CTNNA3: variants seen among roughly 807,000 people sequenced by gnomAD.
The protein encoded by CTNNA3 is catenin alpha 3, also known as catenin alpha-3.
Under a neutral mutation model 95.7 loss-of-function variants are expected in CTNNA3, and 76 were observed. The ratio of observed to expected loss-of-function variants is 0.79; its 90% CI spans 0.66 to 0.96. CTNNA3 has a LOEUF of 0.96. Among genes scored for constraint, CTNNA3 ranks in the 40% least tolerant of loss-of-function variants. The pLI is 0.00. For missense variants in CTNNA3, 1,191 were observed against 1,089.8 expected (o/e 1.09, Z -1.31); for synonymous variants, 431 against 374.4 (o/e 1.15, Z -1.74).
intron 1 of CTNNA3, among the ~76,000 whole-genome samples, chr10:67,754,597 T>C (rs939845102): frequency 1.2e-4 from 18 of 152,134 alleles, no homozygotes; most frequent in African/African-American, 4.1e-4. Flanking sequence ...GAAGAAAACA[T>C]TGGGGAAATG....
At chr10:66,086,247 T>C (rs1300928061) in intron 14 of CTNNA3, among the ~76,000 whole-genome samples, 1 of 152,130 alleles carries the variant, frequency 6.6e-6, no homozygotes, top group Non-Finnish European at 1.5e-5. Context: ...AAGCCATGTC[T>C]ATAAATGAGC....
intron 5 of CTNNA3, among the ~76,000 whole-genome samples, chr10:67,510,785 AGTATG>A (rs1223810625): frequency 5.3e-5 from 8 of 152,150 alleles, no homozygotes; most frequent in South Asian, 4.1e-4. Context: ...TACCTTGGGC[AGTATG>A]GCCATTTTCA....
At chr10:66,667,094 A>G (rs970378796) in intron 9 of CTNNA3, among the ~76,000 whole-genome samples, 7 of 152,050 alleles carry the variant, frequency 4.6e-5, no homozygotes, top group African/African-American at 1.7e-4. Flanking sequence ...TATCTATCTA[A>G]CCTACTTGTA....
intron 7 of CTNNA3, among the ~76,000 whole-genome samples, chr10:67,075,593 TGCTCCAGTCTA>T (rs1856708864): frequency 6.6e-6 from 1 of 152,210 alleles, no homozygotes; most frequent in Non-Finnish European, 1.5e-5. Flanking sequence ...ATAGACAAAG[TGCTCCAGTCTA>T]GGAAATCAGA....
chr10:66,915,946 A>C (rs961557762), intron 7 of CTNNA3, among the ~76,000 whole-genome samples: 9 of 151,968 alleles, frequency 5.9e-5, no homozygotes, highest in African/African-American at 2.2e-4. Context: ...ATGGGATTTC[A>C]CCATGTTGGC....
intron 7 of CTNNA3, among the ~76,000 whole-genome samples, chr10:66,862,833 G>C (rs1185496493): frequency 3.3e-5 from 5 of 152,120 alleles, no homozygotes; most frequent in Non-Finnish European, 5.9e-5. Context: ...TTGGTAGATT[G>C]CATAAAGCAG....
intron 11 of CTNNA3, among the ~76,000 whole-genome samples, chr10:66,453,821 C>T (rs1163665637): frequency 6.6e-6 from 1 of 152,162 alleles, no homozygotes; most frequent in Non-Finnish European, 1.5e-5. Flanking sequence ...AACAAAGCCT[C>T]TTAATATAAT....
chr10:66,787,097 A>C (rs1840779017), intron 7 of CTNNA3, among the ~76,000 whole-genome samples: 1 of 152,316 alleles, frequency 6.6e-6, no homozygotes, highest in East Asian at 1.9e-4. Context: ...AGAAAAAATT[A>C]AAACCTCTAC....
intron 10 of CTNNA3, among the ~76,000 whole-genome samples, chr10:66,525,154 A>T (rs1041807662): frequency 2.0e-5 from 3 of 152,076 alleles, no homozygotes; most frequent in Non-Finnish European, 4.4e-5. Context: ...GAGAATGGGG[A>T]AAATATATCA....
At chr10:67,422,628 T>C (rs1466099446) in intron 5 of CTNNA3, among the ~76,000 whole-genome samples, 1 of 152,162 alleles carries the variant, frequency 6.6e-6, no homozygotes, top group African/African-American at 2.4e-5. Flanking sequence ...CTCATGATAG[T>C]GAGTGAGTTC....
chr10:66,410,425 C>A (rs530014004), intron 11 of CTNNA3, among the ~76,000 whole-genome samples: 5 of 152,098 alleles, frequency 3.3e-5, no homozygotes, highest in Admixed American at 6.6e-5. Context: ...ACTTTGCAAC[C>A]CAGTACCAAA....
At chr10:66,452,851 A>C (rs1371698856) in intron 11 of CTNNA3, among the ~76,000 whole-genome samples, 2 of 151,946 alleles carry the variant, frequency 1.3e-5, no homozygotes, top group African/African-American at 4.8e-5. Flanking sequence ...ACTGCCTATA[A>C]TTTCATCCCT....
chr10:66,533,831 G>C (rs938638047), intron 10 of CTNNA3, among the ~76,000 whole-genome samples: 6 of 152,120 alleles, frequency 3.9e-5, no homozygotes, highest in African/African-American at 1.4e-4. Flanking sequence ...AGTGCTTTGG[G>C]AGGTCCAGGT....
intron 7 of CTNNA3, among the ~76,000 whole-genome samples, chr10:66,826,135 A>T (rs1842501528): frequency 6.6e-6 from 1 of 152,168 alleles, no homozygotes; most frequent in Non-Finnish European, 1.5e-5. Flanking sequence ...ATGTTTCTTG[A>T]TGGTGTTGTC....
At chr10:66,420,032 C>G (rs969413065) in intron 11 of CTNNA3, among the ~76,000 whole-genome samples, 1 of 151,976 alleles carries the variant, frequency 6.6e-6, no homozygotes, top group Non-Finnish European at 1.5e-5. Context: ...CAAAAATAGA[C>G]AAATGAGACT....
intron 5 of CTNNA3, among the ~76,000 whole-genome samples, chr10:67,283,144 T>C (rs1165972726): frequency 1.3e-5 from 2 of 152,130 alleles, no homozygotes; most frequent in African/African-American, 4.8e-5. Context: ...ATCATATTGT[T>C]ATAGAAGGTA....
chr10:65,980,223 A>G (rs1300876715), intron 16 of CTNNA3, among the ~76,000 whole-genome samples: 1 of 152,056 alleles, frequency 6.6e-6, no homozygotes, highest in African/African-American at 2.4e-5. Flanking sequence ...TAGAAAACCT[A>G]GAGGAGATGA....
rs140930692 is a variant in CTNNA3, at chr10:66,182,099, C to A, written c.1885-78850G>T. Reference sequence around the variant, plus strand: ...GTAAAACACAGGCCAAATAATAAAACAATTCCCATTCCATACTTAATCCTT... The same window carrying A: ...GTAAAACACAGGCCAAATAATAAAAAAATTCCCATTCCATACTTAATCCTT... On this transcript the variant is annotated intron_variant, in intron 13 of 17. Coordinates refer to ENST00000433211, the MANE Select transcript of CTNNA3 (RefSeq NM_013266.4). Among the ~76,000 whole-genome samples, 682 of 152,230 alleles carry A rather than the reference C, an allele frequency of 4.5e-3. 3 individuals carry two copies. The highest frequency in any genetic ancestry group is 0.016 in the African/African-American group (648 of 41,550).
intron 5 of CTNNA3, among the ~76,000 whole-genome samples, chr10:67,511,426 G>A (rs1839624209): frequency 6.6e-6 from 1 of 152,138 alleles, no homozygotes; most frequent in Non-Finnish European, 1.5e-5. Context: ...TTTTGTTGAA[G>A]GCCTTTTCTG....
Sources: allele counts gnomAD v4.1 joint callset (sites outside exome capture counted in the v4.1 genomes callset), GRCh38; gene constraint gnomAD v4.1.1; transcripts MANE v1.5; gene names NCBI Gene and HGNC (gene_info 2026-07-23, HGNC 2026-07-21).